The following CHM variants were observed in gnomAD, a reference collection of about 807,000 sequenced individuals.
CHM encodes the protein rab proteins geranylgeranyltransferase component A 1.
Under a neutral mutation model 49.0 loss-of-function variants are expected in CHM, and 10 were observed. The observed-to-expected ratio is 0.20, with a 90% CI of 0.13 to 0.35. The LOEUF is 0.35. CHM is among the 10% of genes least tolerant of loss of function. CHM has a pLI of 1.00. For synonymous variants in CHM, 184 were observed against 167.5 expected (o/e 1.10, Z -0.76); for missense variants, 455 against 478.4 (o/e 0.95, Z 0.46).
At chrX:85,867,321 C>T (rs953695212) in intron 14 of CHM, among the ~76,000 whole-genome samples, 2 of 111,518 alleles carry the variant, frequency 1.8e-5, no homozygotes, top group Non-Finnish European at 3.8e-5. Flanking sequence ...GCCTTGCTTC[C>T]CCTTTGCCTT....
At chrX:85,970,911 GAAT>G (rs1204670160) in intron 4 of CHM, 1 of 728,305 alleles carries the variant, frequency 1.4e-6, no homozygotes, top group Non-Finnish European at 1.6e-6. Context: ...GCCTATGATA[GAAT>G]AATTACTACA....
chrX:85,973,017 T>C (rs1931034306), intron 4 of CHM, among the ~76,000 whole-genome samples: 1 of 110,862 alleles, frequency 9.0e-6, no homozygotes, highest in African/African-American at 3.3e-5. Context: ...AATCAAACCA[T>C]AGGCCGGGCG....
At chrX:85,921,223 C>T (rs1171704878) in intron 8 of CHM, among the ~76,000 whole-genome samples, 1 of 111,863 alleles carries the variant, frequency 8.9e-6, no homozygotes, top group Non-Finnish European at 1.9e-5. Context: ...CCACATGACA[C>T]GTTTTCTTCC....
intron 1 of CHM, among the ~76,000 whole-genome samples, chrX:86,030,446 G>A (rs1400038043): frequency 9.0e-6 from 1 of 111,526 alleles, no homozygotes; most frequent in Non-Finnish European, 1.9e-5. Flanking sequence ...CAGGAGGCAT[G>A]TAGTAGGTTC....
At position 86,020,683 on chromosome X, in the gene CHM, T is replaced by C. The variant is rs761183104; in HGVS notation, c.116+6808A>G. On this transcript the variant is annotated intron_variant, in intron 2 of 14. Coordinates refer to ENST00000357749, the MANE Select transcript of CHM (RefSeq NM_000390.4). ...ATACATATGATATATATCTCCGATA[T>C]ATACATCTGATATATACATCTGATA... is the stretch of plus-strand genomic sequence containing the variant. 1.1e-4 allele frequency among the ~76,000 whole-genome samples: 11 copies of C among 104,383 alleles called. No homozygotes were observed. The East Asian group carries it at 3.2e-3, about 31-fold the overall frequency. The allele number at this position is 104,383 out of a possible 115,157, so 90.6% of individuals were successfully genotyped here. A position where few individuals can be genotyped will look rare whatever the true frequency, so the allele number is the denominator to read the frequency against.
chrX:85,938,078 T>C (rs925257832), intron 8 of CHM, among the ~76,000 whole-genome samples: 5 of 111,703 alleles, frequency 4.5e-5, no homozygotes, highest in Non-Finnish European at 9.4e-5. Context: ...ACAAAAGCAT[T>C]CCATTGCTTT....
intron 8 of CHM, among the ~76,000 whole-genome samples, chrX:85,946,146 G>A (rs1236310156): frequency 8.9e-6 from 1 of 112,493 alleles, no homozygotes; most frequent in Non-Finnish European, 1.9e-5. Flanking sequence ...ATATTTAATG[G>A]GAAAGCAGAG....
chrX:85,885,043 C>A (rs1438004322), intron 12 of CHM, among the ~76,000 whole-genome samples: 1 of 110,617 alleles, frequency 9.0e-6, no homozygotes. Flanking sequence ...ACTAAAAATT[C>A]ACAAATTTCT....
In CHM at chrX:85,977,831, C is replaced by A. The variant is rs544074916; in HGVS notation, c.314+936G>T. The stretch of plus-strand genomic sequence containing the variant: ...TGCTTTTACAGAAAATCACAGAACA[C>A]AAACAGTATATTATGGGGAAAGAAT... On this transcript the variant is annotated intron_variant, in intron 4 of 14. Coordinates refer to ENST00000357749, the MANE Select transcript of CHM (RefSeq NM_000390.4). Among the ~76,000 whole-genome samples, 30 of 107,885 alleles carry A rather than the reference C, an allele frequency of 2.8e-4. 1 individual carries two copies. The South Asian group carries it at 8.6e-3, about 31-fold the overall frequency. The allele number at this position is 107,885 out of a possible 115,157, so 93.7% of individuals were successfully genotyped here.
At chrX:85,939,372 CTTATG>C (rs1026376014) in intron 8 of CHM, among the ~76,000 whole-genome samples, 1 of 112,212 alleles carries the variant, frequency 8.9e-6, no homozygotes, top group Non-Finnish European at 1.9e-5. Context: ...AAAAATAATA[CTTATG>C]TTATTTTCTA....
intron 8 of CHM, among the ~76,000 whole-genome samples, chrX:85,937,837 G>C (rs1928873696): frequency 1.0e-5 from 1 of 95,401 alleles, no homozygotes. Context: ...GAGCAAGACT[G>C]TCTCAAAAAA....
At chrX:85,950,996 C>CA (rs781119710) in intron 8 of CHM, among the ~76,000 whole-genome samples, 16 of 111,555 alleles carry the variant, frequency 1.4e-4, no homozygotes, top group Admixed American at 5.7e-4. Context: ...AAAGTATTAA[C>CA]AAAAATTGTC....
Position 85,900,800 on chromosome X carries a change from G to T in CHM, c.1350-91C>A, listed in dbSNP as rs1926224049. 18 of 684,699 alleles carry T rather than the reference G, an allele frequency of 2.6e-5. No individual in the cohort carries two copies. In the South Asian group the frequency reaches 3.7e-4, roughly 14 times the overall value. The allele number at this position is 684,699 out of a possible 1,213,427, so 56.4% of individuals were successfully genotyped here. A position where few individuals can be genotyped will look rare whatever the true frequency, so the allele number is the denominator to read the frequency against. ...TAACCACCAGAAGGCACGTTTCAAA[G>T]ATTTAAGTCAGGATAAAAGTGTCAC... On this transcript the variant is annotated intron_variant, in intron 10 of 14. Transcript: ENST00000357749.
At chrX:85,984,585 G>C (rs779104496) in intron 2 of CHM, among the ~76,000 whole-genome samples, 7 of 111,681 alleles carry the variant, frequency 6.3e-5, no homozygotes, top group Non-Finnish European at 9.4e-5. Context: ...TTATGATCGA[G>C]TAATTTCAAT....
intron 1 of CHM, among the ~76,000 whole-genome samples, chrX:86,032,832 C>T (rs1406212225): frequency 2.7e-5 from 3 of 111,129 alleles, no homozygotes; most frequent in Non-Finnish European, 5.7e-5. Flanking sequence ...AGGTTTCCTC[C>T]ATCATGACTT....
intron 8 of CHM, among the ~76,000 whole-genome samples, chrX:85,945,193 T>C (rs1037123452): frequency 1.4e-4 from 15 of 110,658 alleles, no homozygotes; most frequent in Admixed American, 2.9e-4. Flanking sequence ...TCAGGTACTA[T>C]GCTTATTACC....
At chrX:85,945,073 T>C (rs1929326966) in intron 8 of CHM, among the ~76,000 whole-genome samples, 1 of 111,037 alleles carries the variant, frequency 9.0e-6, no homozygotes, top group African/African-American at 3.3e-5. Context: ...AAGTGGGAGC[T>C]AAATGACAGG....
intron 1 of CHM, among the ~76,000 whole-genome samples, chrX:86,044,583 C>G (rs986573174): frequency 8.9e-6 from 1 of 111,993 alleles, no homozygotes; most frequent in African/African-American, 3.2e-5. Context: ...ATTACACAGG[C>G]TTCCAGATAA....
intron 3 of CHM, among the ~76,000 whole-genome samples, chrX:85,980,122 AT>A (rs1302860553): frequency 3.6e-5 from 4 of 111,068 alleles, no homozygotes; most frequent in African/African-American, 1.3e-4. Flanking sequence ...TACCAAATGT[AT>A]TTTTTTTAAT....
Sources: allele counts gnomAD v4.1 joint callset (sites outside exome capture counted in the v4.1 genomes callset), GRCh38; gene constraint gnomAD v4.1.1; transcripts MANE v1.5; gene names NCBI Gene and HGNC (gene_info 2026-07-23, HGNC 2026-07-21).